DUSP15: variants seen among roughly 807,000 people sequenced by gnomAD.
DUSP15 encodes the protein dual specificity protein phosphatase 15.
In DUSP15, 23 loss-of-function variants were observed where a neutral mutation model predicts 26.3. The observed-to-expected ratio is 0.87, with a 90% CI of 0.63 to 1.24. The LOEUF (loss-of-function observed/expected upper bound fraction) is 1.24. DUSP15 is among the 50% of genes most tolerant of loss of function. The pLI is 0.00. For missense variants in DUSP15, 364 were observed against 320.6 expected, an observed-to-expected ratio of 1.14 and a Z score of -1.03; for synonymous variants, 143 against 135.5, an observed-to-expected ratio of 1.06 and a Z score of -0.39.
At chr20:31,849,516 T>G in intron 8 of DUSP15, 1 of 799,926 alleles carries the variant, frequency 1.3e-6, no homozygotes, top group Non-Finnish European at 2.2e-6. Flanking sequence ...GCCACTCTGT[T>G]CCACTCCTCC....
At chr20:31,848,605 TTCCCGCC>T (rs769011918) in intron 9 of DUSP15, 1 of 1,517,328 alleles carries the variant, frequency 6.6e-7, no homozygotes, top group South Asian at 1.3e-5. Flanking sequence ...CCCTCTCCAT[TTCCCGCC>T]TCGGATGTTC....
At chr20:31,867,631 GTTTTTTTTTTTT>G (rs57662463) in intron 2 of DUSP15, among the ~76,000 whole-genome samples, 4 of 77,650 alleles carry the variant, frequency 5.2e-5, no homozygotes, top group Non-Finnish European at 2.3e-5. Flanking sequence ...TGCCCACAAT[GTTTTTTTTTTTT>G]TTTTTTTTTT....
downstream of DUSP15, among the ~76,000 whole-genome samples, chr20:31,846,313 C>CACACACACACGTAGTATACGGAGAAAGT (rs2062377460): frequency 6.6e-6 from 1 of 151,656 alleles, no homozygotes. Flanking sequence ...CACACACACA[C>CACACACACACGTAGTATACGGAGAAAGT]ACACACACAC....
chr20:31,868,476 C>CTTTTTT (rs35862553), intron 2 of DUSP15, among the ~76,000 whole-genome samples: 2 of 97,330 alleles, frequency 2.1e-5, no homozygotes, highest in East Asian at 3.4e-4. Context: ...TTTTCTTTCT[C>CTTTTTT]TTTTTTTTTT....
At chr20:31,856,533 G>A (rs558869938), downstream of DUSP15, among the ~76,000 whole-genome samples, 1 of 152,320 alleles carries the variant, frequency 6.6e-6, no homozygotes, top group African/African-American at 2.4e-5. Context: ...AGGGACCGAA[G>A]AGACATTCTG....
At chr20:31,845,767 G>T, downstream of DUSP15, 1 of 607,234 alleles carries the variant, frequency 1.6e-6, no homozygotes, top group Non-Finnish European at 2.9e-6. Flanking sequence ...GTGGGAAGCC[G>T]AGCAGCTGCC....
rs182261776 is a variant in DUSP15, at chr20:31,853,309, T to A, written c.427-2633A>T. 2.4e-3 allele frequency among the ~76,000 whole-genome samples: 367 copies of A among 152,226 alleles called. 2 individuals carry two copies. The highest frequency in any genetic ancestry group is 8.3e-3 in the African/African-American group (343 of 41,552). On this transcript the variant is annotated intron_variant, in intron 6 of 9. Transcript: ENST00000278979. ...AAAAAATAAATAGAGTGATGGGATA[T>A]AAAATCATGGCAGTGGTTTGCTATC...
At chr20:31,850,994 C>A (rs563321090) in intron 6 of DUSP15, among the ~76,000 whole-genome samples, 1 of 152,182 alleles carries the variant, frequency 6.6e-6, no homozygotes, top group Non-Finnish European at 1.5e-5. Context: ...GAGGTCTGGG[C>A]GGACTGAAGG....
chr20:31,848,609 C>A, intron 9 of DUSP15: 1 of 1,511,096 alleles, frequency 6.6e-7, no homozygotes, highest in Non-Finnish European at 8.8e-7. Flanking sequence ...CTCCATTTCC[C>A]GCCTCGGATG....
chr20:31,867,984 C>A (rs2062812487), intron 2 of DUSP15, among the ~76,000 whole-genome samples: 1 of 152,162 alleles, frequency 6.6e-6, no homozygotes, highest in South Asian at 2.1e-4. Flanking sequence ...GAATAAGCTT[C>A]CACTTTTGTT....
chr20:31,848,664 C>T, intron 9 of DUSP15: 1 of 1,459,356 alleles, frequency 6.9e-7, no homozygotes, highest in Non-Finnish European at 9.1e-7. Context: ...CATCCCTACC[C>T]CCATTTTCCA....
downstream of DUSP15, chr20:31,845,738 C>T (rs756922277): frequency 1.6e-4 from 107 of 657,392 alleles, no homozygotes; most frequent in Admixed American, 2.9e-4. Context: ...CCAAAAGAGG[C>T]GGGCAGGAGA....
chr20:31,846,156 A>G (rs540293668), downstream of DUSP15, among the ~76,000 whole-genome samples: 1 of 141,810 alleles, frequency 7.1e-6, no homozygotes, highest in African/African-American at 2.9e-5. Context: ...ACACACACAC[A>G]CAGACATAAG....
In DUSP15 at chr20:31,861,639, G is replaced by A. The variant is rs1455695535; in HGVS notation, c.472C>T (p.Pro158Ser). The A allele has an allele frequency of 3.4e-6, 5 of 1,491,126 alleles. No homozygotes were observed. In the East Asian group the frequency reaches 1.4e-4, roughly 42 times the overall value. The allele number at this position is 1,491,126 out of a possible 1,614,324, so 92.4% of individuals were successfully genotyped here. Residue 158 changes from proline to serine, a missense_variant, in exon 7 of 7, where the codon CCC becomes TCC. Physicochemically the swap from Pro to Ser is moderately conservative, Grantham distance 74 (BLOSUM62 -1). Coordinates refer to ENST00000339738, the MANE Select transcript of DUSP15 (RefSeq NM_080611.5). ...CGCAACTCCTCCTCGTCGCGGAAGG[G>A]GCTCTCGCCGAAGCGCTCCTCCAGC... ...RQLEERFGES[P>S]FRDEEELRAL... is the part of the protein sequence containing the mutation.
chr20:31,846,476 G>GAGAGAGA (rs1555791617), downstream of DUSP15, among the ~76,000 whole-genome samples: 1 of 128,440 alleles, frequency 7.8e-6, no homozygotes, highest in African/African-American at 3.9e-5. Context: ...GAGAGAGAGA[G>GAGAGAGA]GAGAGAGAGG....
downstream of DUSP15, among the ~76,000 whole-genome samples, chr20:31,856,518 A>G (rs1436437167): frequency 6.6e-6 from 1 of 152,204 alleles, no homozygotes; most frequent in African/African-American, 2.4e-5. Flanking sequence ...AATGGGTTTC[A>G]GCAGAGGGAC....
chr20:31,863,995 C>T lies in DUSP15; in HGVS notation c.189-14G>A, dbSNP rs760756308. ...AAGTGCTTTTTGCTAGAGGAGAAAGCAATAGGGTAGGGAGCACTGCAGGGC... is the reference window on the plus strand; with the variant it reads ...AAGTGCTTTTTGCTAGAGGAGAAAGTAATAGGGTAGGGAGCACTGCAGGGC... On this transcript the variant is annotated splice_polypyrimidine_tract_variant and intron_variant, in intron 4 of 6. Coordinates refer to ENST00000339738, the MANE Select transcript of DUSP15 (RefSeq NM_080611.5). 2 of 1,613,624 alleles carry T rather than the reference C, an allele frequency of 1.2e-6. No individual in the cohort carries two copies. Among genetic ancestry groups the T allele is most frequent in the Non-Finnish European group, 8.5e-7 (1 of 1,179,628 alleles).
intron 4 of DUSP15, 105 bp downstream of exon 4, chr20:31,864,848 T>C: frequency 8.2e-7 from 1 of 1,214,716 alleles, no homozygotes; most frequent in Non-Finnish European, 1.2e-6. Flanking sequence ...ACACCTGTGA[T>C]AGCTCTCTGG....
Position 31,870,514 on chromosome 20 carries a change from C to T in DUSP15, c.-177G>A, listed in dbSNP as rs1600496776. 4.9e-6 allele frequency: 7 copies of T among 1,423,488 alleles called. No individual in the cohort carries two copies. The African/African-American group carries it at 7.4e-5, about 15-fold the overall frequency. 88.2% of individuals were successfully genotyped at this position (1,423,488 alleles called of 1,614,324 possible). A position where few individuals can be genotyped will look rare whatever the true frequency, so the allele number is the denominator to read the frequency against. On this transcript the variant is annotated 5_prime_UTR_variant, in exon 1 of 7. Transcript: ENST00000339738. This position sits in a 1 kb window ranked among gnomAD's most constrained non-coding sequence, Gnocchi z 6.6. ...ACCGCCACCGCCCGCCGACCCCCGGCCCGGGAGGGAAATGGTGGTGGAGCC... is the reference window on the plus strand; with the variant it reads ...ACCGCCACCGCCCGCCGACCCCCGGTCCGGGAGGGAAATGGTGGTGGAGCC...
Sources: gnomAD v4.1 joint callset for allele counts (sites outside exome capture counted in the v4.1 genomes callset) on GRCh38, gnomAD v4.1.1 for gene constraint, Gnocchi (gnomAD v3.1) non-coding constraint, MANE v1.5 for transcripts, NCBI Gene and HGNC (gene_info 2026-07-23, HGNC 2026-07-21) for gene names.